Variants in ULBP1 observed in about 807,000 individuals in gnomAD.
ULBP1 encodes UL16 binding protein 1.
ULBP1 carries 28 observed loss-of-function variants against 25.3 expected under a neutral mutation model. The ratio of observed to expected loss-of-function variants is 1.10; its 90% CI spans 0.82 to 1.51. The LOEUF is 1.51. Ranked by LOEUF, ULBP1 falls within the 40% of genes most tolerant of loss-of-function variation. The probability of loss-of-function intolerance (pLI) is 0.00; values close to 1 mark genes in which losing one functional copy is unlikely to be tolerated. For missense variants in ULBP1, 348 were observed against 290.9 expected (o/e 1.20, Z -1.43); for synonymous variants, 129 against 103.0 (o/e 1.25, Z -1.53).
intron 2 of ULBP1, 32 bp downstream of exon 2, chr6:149,968,902 A>C: frequency 6.2e-7 from 1 of 1,600,706 alleles, no homozygotes; most frequent in East Asian, 2.2e-5. Flanking sequence ...GAGCAGACAC[A>C]GTAGTAACTT....
chr6:149,965,491 G>T (rs1200800276), intron 1 of ULBP1, among the ~76,000 whole-genome samples: 3 of 152,208 alleles, frequency 2.0e-5, no homozygotes, highest in African/African-American at 7.2e-5. Flanking sequence ...AGGTAGGGCG[G>T]GGATCCCTGG....
chr6:149,969,956 A>G, intron 3 of ULBP1, 60 bp from the exon 4 acceptor site: 1 of 1,552,834 alleles, frequency 6.4e-7, no homozygotes, highest in East Asian at 2.4e-5. Flanking sequence ...GGAGCTGAGG[A>G]GACATCCCCT....
intron 2 of ULBP1, 80 bp downstream of exon 2, chr6:149,968,950 A>T: frequency 6.4e-7 from 1 of 1,557,382 alleles, no homozygotes. Context: ...AATAAATCAG[A>T]AGTTTGTGTC....
At position 149,973,519 on chromosome 6, in the gene ULBP1, T is replaced by C. The variant is rs947071329; in HGVS notation, c.*2173T>C. On this transcript the variant is annotated 3_prime_UTR_variant, in exon 5 of 5. Transcript: ENST00000229708. The stretch of plus-strand genomic sequence containing the variant: ...AAAATGACACAAGGCCAAAAACAAA[T>C]GGGTTTAACTGACCAGAGCGAGAGA... The C allele has an allele frequency of 3.9e-5, 6 of 152,112 alleles. No homozygotes were observed. The highest frequency in any genetic ancestry group is 1.2e-4 in the African/African-American group (5 of 41,442). The allele number at this position is 152,112 out of a possible 1,614,324, so 9.4% of individuals were successfully genotyped here.
chr6:149,965,637 T>C (rs1779191742), intron 1 of ULBP1, among the ~76,000 whole-genome samples: 1 of 152,152 alleles, frequency 6.6e-6, no homozygotes, highest in African/African-American at 2.4e-5. Flanking sequence ...AGCCCTGCTC[T>C]GCTCTGACCT....
At chr6:149,965,943 C>T (rs1320104279) in intron 1 of ULBP1, among the ~76,000 whole-genome samples, 1 of 152,104 alleles carries the variant, frequency 6.6e-6, no homozygotes, top group African/African-American at 2.4e-5. Context: ...AGCAAACACA[C>T]CCCAGGCTTT....
intron 3 of ULBP1, 73 bp from the exon 4 acceptor site, chr6:149,969,943 G>T (rs1779283828): frequency 1.0e-5 from 16 of 1,526,090 alleles, no homozygotes; most frequent in Non-Finnish European, 1.3e-5. Flanking sequence ...ACCTGGGGTG[G>T]CAGGAGCTGA....
chr6:149,967,018 C>A (rs1466464177), intron 1 of ULBP1, among the ~76,000 whole-genome samples: 1 of 152,192 alleles, frequency 6.6e-6, no homozygotes, highest in Non-Finnish European at 1.5e-5. Context: ...ATCCCAGCTA[C>A]AAGAGCAGAG....
intron 1 of ULBP1, 127 bp from the exon 2 acceptor site, chr6:149,968,479 TG>T: frequency 7.9e-7 from 1 of 1,258,488 alleles, no homozygotes; most frequent in Non-Finnish European, 1.1e-6. Context: ...CAGTCCTGGC[TG>T]GGGCATGTCT....
rs1308294606 is a variant in ULBP1 at position 149,972,221 on chromosome 6, C to T, written c.*875C>T. 1 of 151,886 alleles carries T rather than the reference C, an allele frequency of 6.6e-6. No individual in the cohort carries two copies. The highest frequency in any genetic ancestry group is 2.4e-5 in the African/African-American group (1 of 41,338). 9.4% of individuals were successfully genotyped at this position (151,886 alleles called of 1,614,324 possible). On this transcript the variant is annotated 3_prime_UTR_variant, in exon 5 of 5. Transcript: ENST00000229708. ...CCCAGAAATCAACCTGCACACCTACCGCCATCTAATCTTCAATAGAAATGG... is the reference window on the plus strand; with the variant it reads ...CCCAGAAATCAACCTGCACACCTACTGCCATCTAATCTTCAATAGAAATGG...
At chr6:149,969,727 GCC>G (rs1439418680) in intron 3 of ULBP1, among the ~76,000 whole-genome samples, 1 of 152,092 alleles carries the variant, frequency 6.6e-6, no homozygotes, top group Non-Finnish European at 1.5e-5. Flanking sequence ...CAATGCCAGG[GCC>G]TGAGGCCCTC....
chr6:149,971,255 GT>G, intron 4 of ULBP1, 113 bp from the exon 5 acceptor site: 1 of 749,566 alleles, frequency 1.3e-6, no homozygotes, highest in Non-Finnish European at 1.6e-6. Flanking sequence ...GGAAAAGCAT[GT>G]TTCTTATTTG....
intron 1 of ULBP1, among the ~76,000 whole-genome samples, 187 bp from the exon 2 acceptor site, chr6:149,968,420 C>T (rs1318604971): frequency 3.9e-5 from 6 of 152,192 alleles, no homozygotes; most frequent in East Asian, 1.9e-4. Context: ...CCTTCCCCTC[C>T]GTGTACTCAA....
chr6:149,971,457 C>T lies in ULBP1; in HGVS notation c.*111C>T. The T allele has an allele frequency of 1.0e-6, 1 of 959,122 alleles. No individual in the cohort carries two copies. Among genetic ancestry groups the T allele is most frequent in the Non-Finnish European group, 1.2e-6 (1 of 806,730 alleles). The allele number at this position is 959,122 out of a possible 1,614,324, so 59.4% of individuals were successfully genotyped here. A position where few individuals can be genotyped will look rare whatever the true frequency, so the allele number is the denominator to read the frequency against. On this transcript the variant is annotated 3_prime_UTR_variant, in exon 5 of 5. Coordinates refer to ENST00000229708, the MANE Select transcript of ULBP1 (RefSeq NM_025218.4). ...GCCGCCTGTCTACTCACCACTGTGC[C>T]TTTCTGGAAAGCAGGAGTTCAAGCC...
At chr6:149,967,099 A>G (rs3860815) in intron 1 of ULBP1, among the ~76,000 whole-genome samples, 143,808 of 151,390 alleles carry the variant, frequency 0.95, 68,390 homozygotes, top group East Asian at 1. Flanking sequence ...TACAAACACT[A>G]TCCATTCCCG....
rs77852780 is a variant in ULBP1 at position 149,968,954 on chromosome 6, T to G, written c.349+84T>G. 30,764 of 1,555,836 alleles carry G rather than the reference T, an allele frequency of 0.02. 1,611 individuals carry two copies. In the East Asian group the frequency reaches 0.23, roughly 12 times the overall value. On this transcript the variant is annotated intron_variant, in intron 2 of 4. Transcript: ENST00000229708. Reference sequence around the variant, plus strand: ...TTCATATGAAAAATAAATCAGAAGTTTGTGTCACCCAAGAGGTTGAGGAGC... The same window carrying G: ...TTCATATGAAAAATAAATCAGAAGTGTGTGTCACCCAAGAGGTTGAGGAGC...
At chr6:149,969,004 C>T (rs1055205523) in intron 2 of ULBP1, 81 bp from the exon 3 acceptor site, 28 of 1,564,906 alleles carry the variant, frequency 1.8e-5, no homozygotes, top group Non-Finnish European at 2.3e-5. Flanking sequence ...GCAGAGAGAG[C>T]AAGTCCAGGA....
rs1358163143 is a variant in ULBP1, at chr6:149,964,006, A to G, written c.-44A>G. 3.7e-6 allele frequency: 6 copies of G among 1,602,956 alleles called. No individual in the cohort carries two copies. The Admixed American group carries it at 5.0e-5, about 13-fold the overall frequency. On this transcript the variant is annotated 5_prime_UTR_variant, in exon 1 of 5. Transcript: ENST00000229708. Reference sequence around the variant, plus strand: ...TAAACAGCCGTGGTGTGAGCCTCGAAGGGAACCATCAGCGCCTCCTGTCCA... The same window carrying G: ...TAAACAGCCGTGGTGTGAGCCTCGAGGGGAACCATCAGCGCCTCCTGTCCA...
rs756789869 is a variant in ULBP1, at chr6:149,968,676, T to G, written c.155T>G (p.Val52Gly). The change falls in exon 2 of 5, where the codon GTT (valine) becomes GGT (glycine). Residue 52 changes from valine to glycine, a missense_variant. Val to Gly is a moderately radical substitution (Grantham distance 109). Coordinates refer to ENST00000229708, the MANE Select transcript of ULBP1 (RefSeq NM_025218.4). The stretch of plus-strand genomic sequence containing the variant: ...AGACCTGAACCACAGTGGTGTGAAG[T>G]TCAAGGCCTGGTGGATGAAAGGCCT... ...KSRPEPQWCE[V>G]QGLVDERPFL... 4.3e-6 allele frequency: 7 copies of G among 1,614,118 alleles called. No homozygotes were observed. Among genetic ancestry groups the G allele is most frequent in the Admixed American group, 1.7e-5 (1 of 60,016 alleles).
Sources: gnomAD v4.1 joint callset for allele counts (sites outside exome capture counted in the v4.1 genomes callset) on GRCh38, gnomAD v4.1.1 for gene constraint, MANE v1.5 for transcripts, NCBI Gene and HGNC (gene_info 2026-07-23, HGNC 2026-07-21) for gene names.